The following HSD17B8 variants were observed in gnomAD, a reference collection of about 807,000 sequenced individuals.
HSD17B8 encodes hydroxysteroid 17-beta dehydrogenase 8.
In HSD17B8, 23 loss-of-function variants were observed where a neutral mutation model predicts 33.2. That is an observed-to-expected ratio of 0.69 (90% CI 0.50 to 0.98). HSD17B8 has a LOEUF of 0.98. Among genes scored for constraint, HSD17B8 ranks in the 50% least tolerant of loss-of-function variants. HSD17B8 has a pLI of 0.00. For missense variants in HSD17B8, 345 were observed against 347.5 expected (o/e 0.99, Z 0.06); for synonymous variants, 137 against 138.6 (o/e 0.99, Z 0.08).
Position 33,206,048 on chromosome 6 carries a change from G to C in HSD17B8, c.652-86G>C, listed in dbSNP as rs915542034. On this transcript the variant is annotated intron_variant, in intron 6 of 8. Coordinates refer to ENST00000374662, the MANE Select transcript of HSD17B8 (RefSeq NM_014234.5). This position sits in a 1 kb window ranked among gnomAD's most constrained non-coding sequence, Gnocchi z 6.2. ...CATTAAATATTCAATGAATGTATGA[G>C]AAATGAAGACAAAAAAGGGTCACAG... The C allele has an allele frequency of 6.7e-7, 1 of 1,493,996 alleles. No individual in the cohort carries two copies. The highest frequency in any genetic ancestry group is 1.4e-5 in the African/African-American group (1 of 71,738). 92.5% of individuals were successfully genotyped at this position (1,493,996 alleles called of 1,614,324 possible).
Position 33,204,711 on chromosome 6 carries a change from T to A in HSD17B8, c.43T>A (p.Leu15Met). 1 of 1,611,104 alleles carries A rather than the reference T, an allele frequency of 6.2e-7. No homozygotes were observed. Among genetic ancestry groups the A allele is most frequent in the Non-Finnish European group, 8.5e-7 (1 of 1,178,892 alleles). Residue 15 changes from leucine to methionine, a missense_variant, in exon 1 of 9, where the codon TTG (leucine) becomes ATG (methionine). Physicochemically the swap from Leu to Met is conservative, Grantham distance 15. Transcript: ENST00000374662. ...GAACCGACTCCGCTCCGCACTGGCCTTGGTCACAGGTTGAGGGGGTTCTTT... is the reference window on the plus strand; with the variant it reads ...GAACCGACTCCGCTCCGCACTGGCCATGGTCACAGGTTGAGGGGGTTCTTT... ...LQNRLRSALA[L>M]VTGAGSGIGR...
intron 1 of HSD17B8, 70 bp downstream of exon 1, chr6:33,204,790 G>A: frequency 1.3e-6 from 2 of 1,595,564 alleles, no homozygotes; most frequent in East Asian, 2.3e-5. Flanking sequence ...CTTGGAGTGC[G>A]CGGCCGCTGT....
At position 33,205,108 on chromosome 6, in the gene HSD17B8, G is replaced by C; in HGVS notation, c.259G>C (p.Glu87Gln). The C allele has an allele frequency of 6.4e-7, 1 of 1,568,852 alleles. No individual in the cohort carries two copies. Among genetic ancestry groups the C allele is most frequent in the Non-Finnish European group, 8.6e-7 (1 of 1,156,854 alleles). ...GGCCAGGGCCGCCAGGTGCCTGCTG[G>C]AACAAGTGCAGGTGAACGCTAGGCC... ...SEARAARCLLEQVQACFSRPP... is the reference protein window; with the variant it reads ...SEARAARCLLQQVQACFSRPP... Residue 87 changes from glutamate (E) to glutamine (Q), a missense_variant, in exon 2 of 9, where the codon GAA (glutamate) becomes CAA (glutamine). Physicochemically the swap from Glu to Gln is conservative, Grantham distance 29 (BLOSUM62 2). Transcript: ENST00000374662. The surrounding 1 kb of genome is among the most constrained non-coding windows in gnomAD (Gnocchi z 5.0).
In HSD17B8 at chr6:33,206,397, C is replaced by G. The variant is rs1775064916; in HGVS notation, c.717C>G (p.Phe239Leu). The change falls in exon 8 of 9, where the codon TTC becomes TTG. Residue 239 changes from phenylalanine (F) to leucine (L), a missense_variant. Transcript: ENST00000374662. This position sits in a 1 kb window ranked among gnomAD's most constrained non-coding sequence, Gnocchi z 6.2. ...TAGATGTGGCAGATGTGGTCGCATTCTTGGCATCTGAAGATAGTGGATACA... is the reference window on the plus strand; with the variant it reads ...TAGATGTGGCAGATGTGGTCGCATTGTTGGCATCTGAAGATAGTGGATACA... Reference protein sequence around the residue: ...DPEDVADVVAFLASEDSGYIT... With the variant: ...DPEDVADVVALLASEDSGYIT... 1.2e-6 allele frequency: 2 copies of G among 1,613,840 alleles called. No homozygotes were observed. The highest frequency in any genetic ancestry group is 1.7e-6 in the Non-Finnish European group (2 of 1,179,996).
chr6:33,206,030 T>C lies in HSD17B8; in HGVS notation c.652-104T>C. 1 of 1,450,282 alleles carries C rather than the reference T, an allele frequency of 6.9e-7. No homozygotes were observed. Among genetic ancestry groups the C allele is most frequent in the Non-Finnish European group, 9.6e-7 (1 of 1,038,900 alleles). The allele number at this position is 1,450,282 out of a possible 1,614,324, so 89.8% of individuals were successfully genotyped here. On this transcript the variant is annotated intron_variant, in intron 6 of 8. Transcript: ENST00000374662. The surrounding 1 kb of genome is among the most constrained non-coding windows in gnomAD (Gnocchi z 6.2). Reference sequence around the variant, plus strand: ...GGCACAGTTCCTGGCAAACATTAAATATTCAATGAATGTATGAGAAATGAA... The same window carrying C: ...GGCACAGTTCCTGGCAAACATTAAACATTCAATGAATGTATGAGAAATGAA...
Position 33,206,338 on chromosome 6 carries a change from T to C in HSD17B8, c.695-37T>C. On this transcript the variant is annotated intron_variant, in intron 7 of 8. Transcript: ENST00000374662. The surrounding 1 kb of genome is among the most constrained non-coding windows in gnomAD (Gnocchi z 6.2). ...TATGGCTGTTTTGGGTCTATGGGAGTGAGCAGAATTCTGCCCTCTCCCCAC... is the reference window on the plus strand; with the variant it reads ...TATGGCTGTTTTGGGTCTATGGGAGCGAGCAGAATTCTGCCCTCTCCCCAC... The C allele has an allele frequency of 6.3e-7, 1 of 1,594,846 alleles. No individual in the cohort carries two copies. The highest frequency in any genetic ancestry group is 1.1e-5 in the South Asian group (1 of 90,700).
In HSD17B8 at chr6:33,205,778, T is replaced by A; in HGVS notation, c.567-50T>A. On this transcript the variant is annotated intron_variant, in intron 5 of 8. Coordinates refer to ENST00000374662, the MANE Select transcript of HSD17B8 (RefSeq NM_014234.5). This position sits in a 1 kb window ranked among gnomAD's most constrained non-coding sequence, Gnocchi z 5.0. ...GAGCACCTGGGGGGTCTGAGGGAGG[T>A]ACCAGCATTCAGCCCTCTCCAGAAT... 6.2e-7 allele frequency: 1 copy of A among 1,600,270 alleles called. No individual in the cohort carries two copies. Among genetic ancestry groups the A allele is most frequent in the Non-Finnish European group, 8.6e-7 (1 of 1,168,658 alleles).
Position 33,205,315 on chromosome 6 carries a change from A to G in HSD17B8, c.365A>G (p.Lys122Arg). The G allele has an allele frequency of 1.2e-6, 2 of 1,613,164 alleles. No individual in the cohort carries two copies. The highest frequency in any genetic ancestry group is 3.3e-5 in the Admixed American group (2 of 60,022). The part of the protein sequence containing the change: ...LLHMSEDDWD[K>R]VIAVNLKGTF... ...CACATGTCTGAGGATGACTGGGACA[A>G]AGTCATAGCTGTCAACCTCAAGGTG... The change falls in exon 3 of 9, where the codon AAA becomes AGA. Residue 122 changes from lysine to arginine, a missense_variant. Physicochemically the swap from Lys to Arg is conservative, Grantham distance 26. Coordinates refer to ENST00000374662, the MANE Select transcript of HSD17B8 (RefSeq NM_014234.5). This position sits in a 1 kb window ranked among gnomAD's most constrained non-coding sequence, Gnocchi z 5.0.
At position 33,205,165 on chromosome 6, in the gene HSD17B8, C is replaced by T. The variant is rs574238516; in HGVS notation, c.270+46C>T. 2.1e-5 allele frequency: 34 copies of T among 1,605,552 alleles called. No individual in the cohort carries two copies. In the Admixed American group the frequency reaches 4.2e-4, roughly 20 times the overall value. ...CCCCTCTAAAGCTCTGATATTGCCT[C>T]CACTGCCCCGGCTTTTTGTGGGGGG... On this transcript the variant is annotated intron_variant, in intron 2 of 8. Coordinates refer to ENST00000374662, the MANE Select transcript of HSD17B8 (RefSeq NM_014234.5). The surrounding 1 kb of genome is among the most constrained non-coding windows in gnomAD (Gnocchi z 5.0).
Position 33,205,307 on chromosome 6 carries a change from C to A in HSD17B8, c.357C>A (p.Asp119Glu). The A allele has an allele frequency of 6.2e-7, 1 of 1,613,430 alleles. No individual in the cohort carries two copies. The change falls in exon 3 of 9, where the codon GAC becomes GAA. Residue 119 changes from aspartate (D) to glutamate (E), a missense_variant. Transcript: ENST00000374662. The surrounding 1 kb of genome is among the most constrained non-coding windows in gnomAD (Gnocchi z 5.0). ...TTCTGCTGCACATGTCTGAGGATGA[C>A]TGGGACAAAGTCATAGCTGTCAACC... is the stretch of plus-strand genomic sequence containing the variant. The part of the protein sequence containing the change: ...DEFLLHMSED[D>E]WDKVIAVNLK...
At chr6:33,204,818 C>G in intron 1 of HSD17B8, 84 bp from the exon 2 acceptor site, 1 of 1,551,698 alleles carries the variant, frequency 6.4e-7, no homozygotes, top group Non-Finnish European at 8.7e-7. Flanking sequence ...GGCCCCTTAC[C>G]CACATTTTAC....
Position 33,206,190 on chromosome 6 carries a change from G to T in HSD17B8, c.694+14G>T. 2 of 1,612,056 alleles carry T rather than the reference G, an allele frequency of 1.2e-6. No individual in the cohort carries two copies. The highest frequency in any genetic ancestry group is 2.2e-5 in the South Asian group (2 of 91,068). On this transcript the variant is annotated intron_variant, in intron 7 of 8. Transcript: ENST00000374662. This position sits in a 1 kb window ranked among gnomAD's most constrained non-coding sequence, Gnocchi z 6.2. ...GGGACCCTGAGGGTGAGCACTGAAT[G>T]TAGTGGGGTCCCTGGGAAGGGGGCC... is the stretch of plus-strand genomic sequence containing the variant.
chr6:33,205,819 T>C lies in HSD17B8; in HGVS notation c.567-9T>C. On this transcript the variant is annotated splice_polypyrimidine_tract_variant and intron_variant, in intron 5 of 8. Transcript: ENST00000374662. The surrounding 1 kb of genome is among the most constrained non-coding windows in gnomAD (Gnocchi z 5.0). Reference sequence around the variant, plus strand: ...TCTCCAGAATCGGCAGCCACTCTCCTTCCCACAGACATGGGATCCGCTGTA... The same window carrying C: ...TCTCCAGAATCGGCAGCCACTCTCCCTCCCACAGACATGGGATCCGCTGTA... 1 of 1,612,590 alleles carries C rather than the reference T, an allele frequency of 6.2e-7. No individual in the cohort carries two copies. The highest frequency in any genetic ancestry group is 8.5e-7 in the Non-Finnish European group (1 of 1,179,606).
At position 33,205,776 on chromosome 6, in the gene HSD17B8, G is replaced by C. The variant is rs372479988; in HGVS notation, c.566+51G>C. 2.4e-5 allele frequency: 38 copies of C among 1,609,480 alleles called. No homozygotes were observed. In the African/African-American group the frequency reaches 4.4e-4, roughly 19 times the overall value. On this transcript the variant is annotated intron_variant, in intron 5 of 8. Coordinates refer to ENST00000374662, the MANE Select transcript of HSD17B8 (RefSeq NM_014234.5). The surrounding 1 kb of genome is among the most constrained non-coding windows in gnomAD (Gnocchi z 5.0). Reference sequence around the variant, plus strand: ...GGGAGCACCTGGGGGGTCTGAGGGAGGTACCAGCATTCAGCCCTCTCCAGA... The same window carrying C: ...GGGAGCACCTGGGGGGTCTGAGGGACGTACCAGCATTCAGCCCTCTCCAGA...
chr6:33,204,725 A>G lies in HSD17B8; in HGVS notation c.52+5A>G. 1 of 1,611,314 alleles carries G rather than the reference A, an allele frequency of 6.2e-7. No homozygotes were observed. Among genetic ancestry groups the G allele is most frequent in the Non-Finnish European group, 8.5e-7 (1 of 1,179,260 alleles). On this transcript the variant is annotated splice_donor_5th_base_variant and intron_variant, in intron 1 of 8. Transcript: ENST00000374662. ...CCGCACTGGCCTTGGTCACAGGTTG[A>G]GGGGGTTCTTTCCCCGGGCGGTTTG...
chr6:33,205,126 G>T lies in HSD17B8; in HGVS notation c.270+7G>T. On this transcript the variant is annotated splice_region_variant and intron_variant, in intron 2 of 8. Coordinates refer to ENST00000374662, the MANE Select transcript of HSD17B8 (RefSeq NM_014234.5). The surrounding 1 kb of genome is among the most constrained non-coding windows in gnomAD (Gnocchi z 5.0). The stretch of plus-strand genomic sequence containing the variant: ...CCTGCTGGAACAAGTGCAGGTGAAC[G>T]CTAGGCCACTTTCCCCCTCTAAAGC... 2 of 1,577,470 alleles carry T rather than the reference G, an allele frequency of 1.3e-6. No homozygotes were observed. Among genetic ancestry groups the T allele is most frequent in the Non-Finnish European group, 8.6e-7 (1 of 1,160,318 alleles).
At position 33,205,745 on chromosome 6, in the gene HSD17B8, G is replaced by T. The variant is rs777279316; in HGVS notation, c.566+20G>T. 6.2e-7 allele frequency: 1 copy of T among 1,612,794 alleles called. No individual in the cohort carries two copies. On this transcript the variant is annotated intron_variant, in intron 5 of 8. Coordinates refer to ENST00000374662, the MANE Select transcript of HSD17B8 (RefSeq NM_014234.5). This position sits in a 1 kb window ranked among gnomAD's most constrained non-coding sequence, Gnocchi z 5.0. ...TGGACGGTTGGTCAGATGCTTGAGG[G>T]TGCTGGGGAGCACCTGGGGGGTCTG...
chr6:33,206,243 G>T lies in HSD17B8; in HGVS notation c.694+67G>T, dbSNP rs535508073. On this transcript the variant is annotated intron_variant, in intron 7 of 8. Transcript: ENST00000374662. The surrounding 1 kb of genome is among the most constrained non-coding windows in gnomAD (Gnocchi z 6.2). ...AATGAAGAGATCCCCAAAGTTTGGG[G>T]ATTTTCTAGGGGACTGGTGGTTGGT... is the stretch of plus-strand genomic sequence containing the variant. The T allele has an allele frequency of 2.4e-5, 38 of 1,580,006 alleles. No homozygotes were observed. Among genetic ancestry groups the T allele is most frequent in the Non-Finnish European group, 3.1e-5 (36 of 1,151,928 alleles).
chr6:33,205,981 GA>G lies in HSD17B8; in HGVS notation c.651+70del. 7.1e-7 allele frequency: 1 copy of G among 1,400,296 alleles called. No individual in the cohort carries two copies. Among genetic ancestry groups the G allele is most frequent in the East Asian group, 2.3e-5 (1 of 43,424 alleles). 86.7% of individuals were successfully genotyped at this position (1,400,296 alleles called of 1,614,324 possible). A position where few individuals can be genotyped will look rare whatever the true frequency, so the allele number is the denominator to read the frequency against. ...TCTCTCTGGGCTTCACAGAGAGAGA[GA>G]GAGAGAGAGAGAGAGAATACTGGGC... On this transcript the variant is annotated intron_variant, in intron 6 of 8. Coordinates refer to ENST00000374662, the MANE Select transcript of HSD17B8 (RefSeq NM_014234.5). The surrounding 1 kb of genome is among the most constrained non-coding windows in gnomAD (Gnocchi z 5.0).
Sources: allele counts gnomAD v4.1 joint callset, GRCh38; gene constraint gnomAD v4.1.1; non-coding constraint Gnocchi (gnomAD v3.1); transcripts MANE v1.5; gene names NCBI Gene and HGNC (gene_info 2026-07-23, HGNC 2026-07-21).